The following LRRTM4 variants were observed in gnomAD, a reference collection of about 807,000 sequenced individuals.
LRRTM4 encodes the protein leucine-rich repeat transmembrane neuronal protein 4.
Under a neutral mutation model 47.6 loss-of-function variants are expected in LRRTM4, and 25 were observed. The ratio of observed to expected loss-of-function variants is 0.53; its 90% confidence interval spans 0.38 to 0.73. The LOEUF (loss-of-function observed/expected upper bound fraction) is 0.73. LRRTM4 is among the 30% of genes least tolerant of loss of function. The pLI is 0.00. For synonymous variants in LRRTM4, 311 were observed against 269.5 expected (o/e 1.15, Z -1.51); for missense variants, 638 against 713.4 (o/e 0.89, Z 1.20).
At chr2:77,435,656 G>C (rs940379181) in intron 3 of LRRTM4, among the ~76,000 whole-genome samples, 6 of 152,084 alleles carry the variant, frequency 3.9e-5, no homozygotes, top group Non-Finnish European at 5.9e-5. Context: ...TGGAAATAAA[G>C]AGTGAATATA....
At chr2:77,035,708 T>A (rs1346342134) in intron 3 of LRRTM4, among the ~76,000 whole-genome samples, 1 of 151,824 alleles carries the variant, frequency 6.6e-6, no homozygotes, top group East Asian at 1.9e-4. Flanking sequence ...GTTGCATGCA[T>A]CAATAGTCCC....
chr2:77,298,384 C>T (rs1410665797), intron 3 of LRRTM4, among the ~76,000 whole-genome samples: 1 of 152,104 alleles, frequency 6.6e-6, no homozygotes, highest in Non-Finnish European at 1.5e-5. Context: ...CTACAGGCAC[C>T]CGCCACCACG....
At chr2:76,841,883 G>A (rs61345103) in intron 3 of LRRTM4, among the ~76,000 whole-genome samples, 72,728 of 151,970 alleles carry the variant, frequency 0.48, 18,637 homozygotes, top group East Asian at 0.76. Context: ...GAAAAAACTA[G>A]AGAGGAAGAT....
chr2:76,948,489 A>G (rs545812552), intron 3 of LRRTM4, among the ~76,000 whole-genome samples: 2 of 151,814 alleles, frequency 1.3e-5, no homozygotes, highest in East Asian at 1.9e-4. Context: ...CTCTTTTCAT[A>G]TTTTTTTGAT....
intron 3 of LRRTM4, among the ~76,000 whole-genome samples, chr2:76,977,597 G>A (rs186010864): frequency 6.6e-6 from 1 of 151,846 alleles, no homozygotes; most frequent in Non-Finnish European, 1.5e-5. Context: ...AGGCATAAAT[G>A]CAATAACCAT....
intron 3 of LRRTM4, among the ~76,000 whole-genome samples, chr2:76,767,659 C>T (rs1172480655): frequency 6.6e-6 from 1 of 151,952 alleles, no homozygotes; most frequent in African/African-American, 2.4e-5. Flanking sequence ...GATGGCAATC[C>T]ATGCTCCCAC....
chr2:76,932,120 T>C (rs370482402), intron 3 of LRRTM4, among the ~76,000 whole-genome samples: 1 of 152,156 alleles, frequency 6.6e-6, no homozygotes, highest in Admixed American at 6.6e-5. Flanking sequence ...CCTTGTATTG[T>C]TTATTGGATG....
At chr2:77,095,499 A>G (rs1572957957) in intron 3 of LRRTM4, among the ~76,000 whole-genome samples, 1 of 136,898 alleles carries the variant, frequency 7.3e-6, no homozygotes, top group South Asian at 2.4e-4. Flanking sequence ...ATGAAATACC[A>G]TATGCAAACT....
chr2:77,143,844 G>A (rs1461037574), intron 3 of LRRTM4, among the ~76,000 whole-genome samples: 1 of 152,122 alleles, frequency 6.6e-6, no homozygotes, highest in Non-Finnish European at 1.5e-5. Context: ...CAATCATTTG[G>A]GGCCAAGTCC....
intron 3 of LRRTM4, among the ~76,000 whole-genome samples, chr2:76,796,706 A>G (rs6736102): frequency 0.53 from 66,295 of 125,840 alleles, 18,625 homozygotes; most frequent in East Asian, 0.73. Flanking sequence ...CCACAAAGAC[A>G]GGGAAAAAAC....
intron 3 of LRRTM4, among the ~76,000 whole-genome samples, chr2:77,406,595 C>G (rs1435631573): frequency 6.6e-6 from 1 of 152,014 alleles, no homozygotes; most frequent in Non-Finnish European, 1.5e-5. Flanking sequence ...GCCACCGCAC[C>G]CAGTCTGACA....
intron 3 of LRRTM4, among the ~76,000 whole-genome samples, chr2:77,115,461 A>G (rs1671364622): frequency 6.6e-6 from 1 of 152,224 alleles, no homozygotes; most frequent in Non-Finnish European, 1.5e-5. Flanking sequence ...GGATTAAGAG[A>G]TTAAAGTAAA....
chr2:76,955,641 C>T (rs1227162318), intron 3 of LRRTM4, among the ~76,000 whole-genome samples: 3 of 151,628 alleles, frequency 2.0e-5, no homozygotes, highest in Admixed American at 2.0e-4. Context: ...GAGGTGGGGC[C>T]TTTGGAGTGT....
At chr2:77,445,417 C>A (rs1042161689) in intron 3 of LRRTM4, among the ~76,000 whole-genome samples, 3 of 151,838 alleles carry the variant, frequency 2.0e-5, no homozygotes, top group Admixed American at 6.6e-5. Flanking sequence ...TCTCTTCTAC[C>A]ACTTGTACAC....
intron 3 of LRRTM4, among the ~76,000 whole-genome samples, chr2:76,903,318 C>T (rs967358479): frequency 2.0e-5 from 3 of 152,150 alleles, no homozygotes; most frequent in South Asian, 2.1e-4. Context: ...GGGTGTATCA[C>T]GAGGTCAGGA....
intron 3 of LRRTM4, among the ~76,000 whole-genome samples, chr2:77,072,359 T>C (rs1343876266): frequency 6.6e-6 from 1 of 152,162 alleles, no homozygotes; most frequent in Non-Finnish European, 1.5e-5. Flanking sequence ...ATTTAACATG[T>C]TTTTCATTGC....
intron 3 of LRRTM4, among the ~76,000 whole-genome samples, chr2:77,202,092 G>T (rs949558911): frequency 6.6e-6 from 1 of 152,116 alleles, no homozygotes; most frequent in African/African-American, 2.4e-5. Flanking sequence ...AATGACAGCT[G>T]CTGTCAGGTG....
At chr2:76,926,545 G>A (rs1267076476) in intron 3 of LRRTM4, among the ~76,000 whole-genome samples, 1 of 152,168 alleles carries the variant, frequency 6.6e-6, no homozygotes, top group East Asian at 1.9e-4. Flanking sequence ...ATGCAACAGT[G>A]TTTGGAGCTG....
intron 3 of LRRTM4, among the ~76,000 whole-genome samples, chr2:77,086,991 T>C (rs1446302893): frequency 6.6e-6 from 1 of 150,464 alleles, no homozygotes; most frequent in African/African-American, 2.4e-5. Context: ...CTTTTAAACC[T>C]TGTAGCTGAG....
Sources: allele counts gnomAD v4.1 joint callset (sites outside exome capture counted in the v4.1 genomes callset), GRCh38; gene constraint gnomAD v4.1.1; transcripts MANE v1.5; gene names NCBI Gene and HGNC (gene_info 2026-07-23, HGNC 2026-07-21).